The following ZRSR2 variants were observed in gnomAD, a reference collection of about 807,000 sequenced individuals.
ZRSR2 encodes zinc finger CCCH-type, RNA binding motif and serine/arginine rich 2, also known as U2 small nuclear ribonucleoprotein auxiliary factor 35 kDa subunit-related protein 2.
Under a neutral mutation model 39.4 loss-of-function variants are expected in ZRSR2, and 3 were observed. That is an observed-to-expected ratio of 0.08 (90% CI 0.03 to 0.20). ZRSR2 has a LOEUF of 0.20. Among genes scored for constraint, ZRSR2 ranks in the 10% least tolerant of loss-of-function variants. The probability of loss-of-function intolerance (pLI) is 1.00; values close to 1 mark genes in which losing one functional copy is unlikely to be tolerated. For synonymous variants in ZRSR2, 137 were observed against 136.0 expected, an observed-to-expected ratio of 1.01 and a Z score of -0.05; for missense variants, 256 against 391.5, an observed-to-expected ratio of 0.65 and a Z score of 2.92.
At chrX:15,816,351 T>C (rs1186509452) in intron 8 of ZRSR2, among the ~76,000 whole-genome samples, 2 of 111,915 alleles carry the variant, frequency 1.8e-5, no homozygotes, top group East Asian at 5.6e-4. Context: ...CCGACTTAGC[T>C]TCCACCCAAG....
intron 2 of ZRSR2, among the ~76,000 whole-genome samples, chrX:15,791,961 C>T (rs1185267966): frequency 8.9e-6 from 1 of 111,815 alleles, no homozygotes; most frequent in African/African-American, 3.2e-5. Flanking sequence ...CGCCCCTGGC[C>T]CACCTGGCTA....
intron 2 of ZRSR2, among the ~76,000 whole-genome samples, chrX:15,799,143 G>C (rs966163087): frequency 9.7e-6 from 1 of 102,759 alleles, no homozygotes; most frequent in South Asian, 4.6e-4. Flanking sequence ...CCAAGATCGC[G>C]CCATTGCACT....
chrX:15,799,855 A>G lies in ZRSR2; in HGVS notation c.122-17A>G, dbSNP rs781624720. On this transcript the variant is annotated splice_polypyrimidine_tract_variant and intron_variant, in intron 2 of 10. Transcript: ENST00000307771. ...GATTTGCAGCACTCAGTTTAATAAA[A>G]CATTTAAATTCCCTAGGACTCTCAC... is the stretch of plus-strand genomic sequence containing the variant. 1.7e-5 allele frequency: 19 copies of G among 1,132,047 alleles called. No homozygotes were observed. Among genetic ancestry groups the G allele is most frequent in the African/African-American group, 3.6e-5 (2 of 55,210 alleles). 93.3% of individuals were successfully genotyped at this position (1,132,047 alleles called of 1,213,427 possible).
chrX:15,810,666 A>T (rs772810219), intron 7 of ZRSR2, among the ~76,000 whole-genome samples: 2 of 108,816 alleles, frequency 1.8e-5, no homozygotes, highest in South Asian at 7.8e-4. Context: ...CCCTGGATGC[A>T]CATTAGAGTC....
At chrX:15,817,226 C>T (rs1449268292) in intron 8 of ZRSR2, among the ~76,000 whole-genome samples, 1 of 111,813 alleles carries the variant, frequency 8.9e-6, no homozygotes, top group Non-Finnish European at 1.9e-5. Flanking sequence ...CCACAACCAC[C>T]ACAACGTATT....
intron 9 of ZRSR2, 101 bp from the exon 10 acceptor site, chrX:15,820,106 G>T (rs1194527970): frequency 2.8e-6 from 2 of 713,294 alleles, no homozygotes; most frequent in Non-Finnish European, 2.1e-6. Flanking sequence ...AGTGAACTTG[G>T]TGGTCCTACA....
chrX:15,811,527 C>T (rs987199679), intron 7 of ZRSR2, among the ~76,000 whole-genome samples: 8 of 111,218 alleles, frequency 7.2e-5, no homozygotes, highest in South Asian at 3.8e-4. Flanking sequence ...CAGGTTCAAG[C>T]GATTCTCCTG....
intron 5 of ZRSR2, among the ~76,000 whole-genome samples, chrX:15,806,806 T>C (rs1340646758): frequency 9.0e-6 from 1 of 111,620 alleles, no homozygotes; most frequent in Non-Finnish European, 1.9e-5. Flanking sequence ...TAGCTGGGAC[T>C]ACAGGCGCCC....
intron 2 of ZRSR2, among the ~76,000 whole-genome samples, chrX:15,793,012 C>T (rs1932331868): frequency 1.8e-5 from 2 of 111,842 alleles, no homozygotes; most frequent in South Asian, 3.7e-4. Context: ...TGTTTAACTG[C>T]AACCTGTGTT....
chrX:15,811,570 G>A (rs920788435), intron 7 of ZRSR2, among the ~76,000 whole-genome samples: 7 of 111,935 alleles, frequency 6.3e-5, no homozygotes, highest in South Asian at 7.4e-4. Context: ...GACTACAGGC[G>A]CATGCCACCA....
At chrX:15,820,640 T>C (rs1197082168) in intron 10 of ZRSR2, among the ~76,000 whole-genome samples, 2 of 112,276 alleles carry the variant, frequency 1.8e-5, no homozygotes, top group South Asian at 3.7e-4. Context: ...GGAAGCCCCA[T>C]TTCCCTTGTT....
chrX:15,804,926 A>G (rs112943012), intron 5 of ZRSR2, among the ~76,000 whole-genome samples: 3,426 of 110,600 alleles, frequency 0.031, 127 homozygotes, highest in African/African-American at 0.11. Flanking sequence ...TATCTTCTCT[A>G]TCTTCCAGGA....
chrX:15,807,767 C>T (rs1237343447), intron 5 of ZRSR2, among the ~76,000 whole-genome samples: 2 of 110,016 alleles, frequency 1.8e-5, no homozygotes, highest in Admixed American at 9.7e-5. Context: ...GGGCCGGGCA[C>T]GGTAGCTCAT....
intron 9 of ZRSR2, 75 bp from the exon 10 acceptor site, chrX:15,820,132 G>A: frequency 1.2e-6 from 1 of 829,422 alleles, no homozygotes; most frequent in Non-Finnish European, 1.8e-6. Context: ...TTAATAACGG[G>A]GTTAATTAAT....
chrX:15,802,935 G>C, intron 3 of ZRSR2, among the ~76,000 whole-genome samples: 1 of 110,132 alleles, frequency 9.1e-6, no homozygotes, highest in East Asian at 2.8e-4. Flanking sequence ...AGGATACTGG[G>C]TTTTCAGCGT....
chrX:15,819,309 TA>T (rs1282792732), intron 9 of ZRSR2, among the ~76,000 whole-genome samples: 1 of 109,142 alleles, frequency 9.2e-6, no homozygotes, highest in Non-Finnish European at 1.9e-5. Context: ...CCATCTCTAC[TA>T]AAAATACAAA....
rs980139152 is a variant in ZRSR2 at position 15,797,643 on chromosome X, T to TA, written c.122-2228dup. Reference sequence around the variant, plus strand: ...TTCAGTGTTTCTAGGCCATGCCACTTACCTATTTTTTTTTTCAAATTGTTG... The same window carrying TA: ...TTCAGTGTTTCTAGGCCATGCCACTTAACCTATTTTTTTTTTCAAATTGTTG... On this transcript the variant is annotated intron_variant, in intron 2 of 10. Coordinates refer to ENST00000307771, the MANE Select transcript of ZRSR2 (RefSeq NM_005089.4). Among the ~76,000 whole-genome samples the TA allele has an allele frequency of 1.1e-4, 12 of 111,780 alleles. No individual in the cohort carries two copies. The Admixed American group carries it at 1.1e-3, about 11-fold the overall frequency.
At chrX:15,799,332 CTT>C (rs1015007337) in intron 2 of ZRSR2, among the ~76,000 whole-genome samples, 2 of 110,563 alleles carry the variant, frequency 1.8e-5, no homozygotes, top group Non-Finnish European at 3.8e-5. Flanking sequence ...TTTTTAATGT[CTT>C]TGTCTAAATT....
In ZRSR2 at chrX:15,791,647, T is replaced by A. The variant is rs191079003; in HGVS notation, c.121+634T>A. ...ACCACACCTGGCTAATTTTTTCTTT[T>A]CTTTTCTTTTTTTTTTTTTTTTTTT... On this transcript the variant is annotated intron_variant, in intron 2 of 10. Transcript: ENST00000307771. Among the ~76,000 whole-genome samples the A allele has an allele frequency of 3.8e-3, 337 of 89,063 alleles. 6 individuals carry two copies. The Admixed American group carries it at 0.041, about 11-fold the overall frequency. 77.3% of individuals were successfully genotyped at this position (89,063 alleles called of 115,157 possible).
Sources: gnomAD v4.1 joint callset for allele counts (sites outside exome capture counted in the v4.1 genomes callset) on GRCh38, gnomAD v4.1.1 for gene constraint, MANE v1.5 for transcripts, NCBI Gene and HGNC (gene_info 2026-07-23, HGNC 2026-07-21) for gene names.